LRMDA: variants seen among roughly 807,000 people sequenced by gnomAD.
LRMDA encodes the protein leucine-rich melanocyte differentiation-associated protein.
A neutral mutation model predicts 29.8 loss-of-function variants in LRMDA; 18 were observed. That is an observed-to-expected ratio of 0.60 (90% confidence interval 0.42 to 0.90). LRMDA has a LOEUF of 0.90. LRMDA is among the 40% of genes least tolerant of loss of function. The probability of loss-of-function intolerance (pLI) is 0.00; values close to 1 mark genes in which losing one functional copy is unlikely to be tolerated. For missense variants in LRMDA, 273 were observed against 273.9 expected (o/e 1.00, Z 0.02); for synonymous variants, 125 against 109.4 (o/e 1.14, Z -0.89).
chr10:76,230,038 C>T (rs1192491666), intron 5 of LRMDA, among the ~76,000 whole-genome samples: 1 of 152,040 alleles, frequency 6.6e-6, no homozygotes, highest in Non-Finnish European at 1.5e-5. Flanking sequence ...GTAATAACTG[C>T]CTGACCATCA....
chr10:75,581,317 G>T (rs1279361685), intron 2 of LRMDA, among the ~76,000 whole-genome samples: 2 of 152,150 alleles, frequency 1.3e-5, no homozygotes, highest in Non-Finnish European at 2.9e-5. Context: ...ATGAAAAAAA[G>T]CTCATCATCA....
At chr10:76,004,153 C>T (rs929090046) in intron 2 of LRMDA, among the ~76,000 whole-genome samples, 12 of 152,218 alleles carry the variant, frequency 7.9e-5, no homozygotes, top group African/African-American at 2.9e-4. Context: ...GCACATTTAG[C>T]TTCAGTAGTA....
At chr10:75,835,410 G>C (rs1288940232) in intron 2 of LRMDA, among the ~76,000 whole-genome samples, 3 of 152,198 alleles carry the variant, frequency 2.0e-5, no homozygotes, top group African/African-American at 7.2e-5. Flanking sequence ...GGTCCACCCA[G>C]ATAATCTAGG....
intron 2 of LRMDA, among the ~76,000 whole-genome samples, chr10:75,973,021 A>AG (rs1847004970): frequency 2.0e-5 from 3 of 148,856 alleles, no homozygotes; most frequent in Non-Finnish European, 4.5e-5. Flanking sequence ...CACTTTAACA[A>AG]CAGCAGCAGC....
rs1843070148 is a variant in LRMDA, at chr10:75,759,497, TAGAAGAGATAAGGGAAA to T, written c.132-276509_132-276493del. Among the ~76,000 whole-genome samples, 3 of 152,304 alleles carry T rather than the reference TAGAAGAGATAAGGGAAA, an allele frequency of 2.0e-5. No homozygotes were observed. The South Asian group carries it at 6.2e-4, about 32-fold the overall frequency. On this transcript the variant is annotated intron_variant, in intron 2 of 6. Transcript: ENST00000611255. ...AAGAATTAATTTAGAAAGTTAGGAA[TAGAAGAGATAAGGGAAA>T]ATGAGAAAAAGCAGCTCAGTATTTT...
chr10:76,506,532 C>T (rs1384794025), intron 6 of LRMDA, among the ~76,000 whole-genome samples: 3 of 152,082 alleles, frequency 2.0e-5, no homozygotes, highest in Non-Finnish European at 2.9e-5. Flanking sequence ...CAAAATTTGA[C>T]TTGTATTTGC....
intron 2 of LRMDA, among the ~76,000 whole-genome samples, chr10:75,940,709 G>A (rs951978784): frequency 1.3e-5 from 2 of 152,058 alleles, no homozygotes; most frequent in South Asian, 4.2e-4. Context: ...TGCTTAGTAG[G>A]TGCTTCATAA....
chr10:76,357,692 A>C (rs973137963), intron 6 of LRMDA, among the ~76,000 whole-genome samples: 1 of 152,154 alleles, frequency 6.6e-6, no homozygotes, highest in African/African-American at 2.4e-5. Context: ...GTAAAATGAA[A>C]ATGACTAAAG....
At chr10:76,166,997 G>C (rs1249367879) in intron 5 of LRMDA, among the ~76,000 whole-genome samples, 1 of 151,690 alleles carries the variant, frequency 6.6e-6, no homozygotes, top group African/African-American at 2.4e-5. Flanking sequence ...ATAATAGATA[G>C]CCATTCTGAC....
At chr10:75,945,637 A>T (rs1846464166) in intron 2 of LRMDA, among the ~76,000 whole-genome samples, 1 of 152,174 alleles carries the variant, frequency 6.6e-6, no homozygotes, top group African/African-American at 2.4e-5. Flanking sequence ...GGTTTGTTTA[A>T]TATAAGCTAC....
At chr10:75,514,237 TCTCTTC>T (rs1845262297) in intron 2 of LRMDA, among the ~76,000 whole-genome samples, 1 of 151,538 alleles carries the variant, frequency 6.6e-6, no homozygotes, top group African/African-American at 2.4e-5. Flanking sequence ...AGTTTCTTCT[TCTCTTC>T]CTCTTCCTTT....
rs1432100329 is a variant in LRMDA, at chr10:76,423,701, T to TTTTTG, written c.601+99216_601+99217insTTTTG. ...ATTGCTGCTGTTTGGTAATAAATTC[T>TTTTTG]AGTCCCCTTTTGACTTCGATCAAAA... On this transcript the variant is annotated intron_variant, in intron 6 of 6. Coordinates refer to ENST00000611255, the MANE Select transcript of LRMDA (RefSeq NM_001305581.2). Among the ~76,000 whole-genome samples the TTTTTG allele has an allele frequency of 6.6e-5, 10 of 152,370 alleles. 2 individuals are homozygous for TTTTTG. Among genetic ancestry groups the TTTTTG allele is most frequent in the African/African-American group, 2.4e-4 (10 of 41,598 alleles).
intron 5 of LRMDA, among the ~76,000 whole-genome samples, chr10:76,068,790 T>C (rs766395707): frequency 3.3e-5 from 5 of 152,208 alleles, no homozygotes; most frequent in Non-Finnish European, 7.3e-5. Flanking sequence ...GCGGCTGATA[T>C]GTACTTTCAG....
intron 6 of LRMDA, among the ~76,000 whole-genome samples, chr10:76,524,624 G>C (rs1196465065): frequency 6.6e-6 from 1 of 152,228 alleles, no homozygotes; most frequent in Non-Finnish European, 1.5e-5. Flanking sequence ...GTATTCCATA[G>C]ATCTTTCCTT....
chr10:76,197,133 T>G (rs7901724), intron 5 of LRMDA, among the ~76,000 whole-genome samples: 7,132 of 152,334 alleles, frequency 0.047, 532 homozygotes, highest in African/African-American at 0.16. Flanking sequence ...CAGTTGGTCC[T>G]CATATGACAT....
At chr10:75,770,449 TA>T (rs1398894962) in intron 2 of LRMDA, among the ~76,000 whole-genome samples, 4 of 152,224 alleles carry the variant, frequency 2.6e-5, no homozygotes, top group Admixed American at 1.3e-4. Context: ...CCATAATTTT[TA>T]AAAAGTTGTA....
intron 6 of LRMDA, among the ~76,000 whole-genome samples, chr10:76,518,259 T>C (rs1468637882): frequency 6.7e-6 from 1 of 150,068 alleles, no homozygotes; most frequent in Admixed American, 6.7e-5. Context: ...TACCTACCTA[T>C]CCATCTATCC....
chr10:76,100,895 G>A (rs955413639), intron 5 of LRMDA, among the ~76,000 whole-genome samples: 2 of 151,622 alleles, frequency 1.3e-5, no homozygotes, highest in Admixed American at 6.6e-5. Flanking sequence ...GAAAAGAGTG[G>A]CTGTGAACCC....
intron 2 of LRMDA, among the ~76,000 whole-genome samples, chr10:75,699,328 G>A (rs553158800): frequency 5.6e-4 from 85 of 152,244 alleles, no homozygotes; most frequent in Admixed American, 1.2e-3. Context: ...GGAAAATCCT[G>A]CTATGGAGAG....
Sources: allele counts gnomAD v4.1 joint callset (sites outside exome capture counted in the v4.1 genomes callset), GRCh38; gene constraint gnomAD v4.1.1; transcripts MANE v1.5; gene names NCBI Gene and HGNC (gene_info 2026-07-23, HGNC 2026-07-21).